ZDHHC15: variants seen among roughly 807,000 people sequenced by gnomAD.
ZDHHC15 encodes the protein palmitoyltransferase ZDHHC15.
A neutral mutation model predicts 31.7 loss-of-function variants in ZDHHC15; 19 were observed. The observed-to-expected ratio is 0.60, with a 90% confidence interval of 0.42 to 0.88. ZDHHC15 has a LOEUF of 0.88. Ranked by LOEUF, ZDHHC15 falls within the 40% of genes least tolerant of loss-of-function variation. The pLI is 0.00. For synonymous variants in ZDHHC15, 103 were observed against 90.0 expected, an observed-to-expected ratio of 1.14 and a Z score of -0.82; for missense variants, 209 against 251.2, an observed-to-expected ratio of 0.83 and a Z score of 1.14.
intron 10 of ZDHHC15, among the ~76,000 whole-genome samples, chrX:75,411,537 G>T (rs1444404713): frequency 8.9e-6 from 1 of 112,521 alleles, no homozygotes; most frequent in Non-Finnish European, 1.9e-5. Flanking sequence ...AGCTAGAAGA[G>T]AATAATTTGA....
intron 1 of ZDHHC15, among the ~76,000 whole-genome samples, chrX:75,513,521 C>T (rs1349885003): frequency 1.8e-5 from 2 of 111,135 alleles, no homozygotes; most frequent in African/African-American, 6.5e-5. Context: ...AAGTGGCTGC[C>T]TACCATCCTC....
intron 2 of ZDHHC15, among the ~76,000 whole-genome samples, chrX:75,487,339 T>C (rs1373341143): frequency 8.9e-6 from 1 of 112,412 alleles, no homozygotes; most frequent in Admixed American, 9.4e-5. Context: ...GACCTGAAGA[T>C]GGATCATATC....
At chrX:75,447,340 C>T (rs749254670) in intron 4 of ZDHHC15, among the ~76,000 whole-genome samples, 6 of 112,432 alleles carry the variant, frequency 5.3e-5, no homozygotes, top group Non-Finnish European at 1.1e-4. Flanking sequence ...GCCAAAAGTG[C>T]CATCGATGGA....
At chrX:75,440,531 G>A (rs1053031255) in intron 4 of ZDHHC15, among the ~76,000 whole-genome samples, 10 of 112,432 alleles carry the variant, frequency 8.9e-5, no homozygotes, top group African/African-American at 2.6e-4. Flanking sequence ...TGCCTGCCCC[G>A]GCCTCCCGAA....
At chrX:75,456,855 T>C (rs2084231915) in intron 3 of ZDHHC15, among the ~76,000 whole-genome samples, 1 of 111,372 alleles carries the variant, frequency 9.0e-6, no homozygotes, top group Admixed American at 9.6e-5. Flanking sequence ...ACTGTAAATT[T>C]AGACAGATCC....
chrX:75,422,962 C>G (rs1313834312), intron 8 of ZDHHC15, among the ~76,000 whole-genome samples: 3 of 70,800 alleles, frequency 4.2e-5, no homozygotes, highest in African/African-American at 1.1e-4. Flanking sequence ...CCCCTCCCCC[C>G]ACCCCACAAC....
chrX:75,426,264 C>A (rs1163161496), intron 7 of ZDHHC15, among the ~76,000 whole-genome samples: 5 of 111,191 alleles, frequency 4.5e-5, no homozygotes, highest in African/African-American at 1.6e-4. Context: ...CTTATTGTTT[C>A]ACATATAAAT....
intron 10 of ZDHHC15, among the ~76,000 whole-genome samples, chrX:75,380,779 C>T (rs1415032631): frequency 9.0e-6 from 1 of 111,727 alleles, no homozygotes; most frequent in Non-Finnish European, 1.9e-5. Context: ...CCTGCCCTTG[C>T]TGCCTATGTA....
chrX:75,505,909 G>T, intron 1 of ZDHHC15, 62 bp from the exon 2 acceptor site: 1 of 1,011,174 alleles, frequency 9.9e-7, no homozygotes, highest in Non-Finnish European at 1.4e-6. Flanking sequence ...GAGAGAGAGA[G>T]AGAGAAATTA....
Position 75,478,892 on chromosome X carries a change from T to G in ZDHHC15, c.257A>C (p.Lys86Thr), listed in dbSNP as rs1269751693. 8.4e-7 allele frequency: 1 copy of G among 1,190,356 alleles called. No individual in the cohort carries two copies. Among genetic ancestry groups the G allele is most frequent in the Non-Finnish European group, 1.1e-6 (1 of 881,420 alleles). ...IFTLPQQPNQ[K>T]FHLSYTDKER... Reference sequence around the variant, plus strand: ...TTAAGAAGTAACCAATATTCTTACCTTCTGGTTTGGCTGCTGTGGGAGTGT... The same window carrying G: ...TTAAGAAGTAACCAATATTCTTACCGTCTGGTTTGGCTGCTGTGGGAGTGT... Residue 86 changes from lysine to threonine, a missense_variant and splice_region_variant, in exon 3 of 12, where the codon AAG (lysine) becomes ACG (threonine). By Grantham distance (78) the Lys-to-Thr change is moderately conservative. Transcript: ENST00000373367.
chrX:75,383,750 T>TC (rs2083146122), intron 10 of ZDHHC15, among the ~76,000 whole-genome samples: 1 of 92,337 alleles, frequency 1.1e-5, no homozygotes, highest in African/African-American at 3.9e-5. Flanking sequence ...TTTTTTTTTT[T>TC]TTTTTTGAGA....
chrX:75,521,981 C>A (rs1342726314), intron 1 of ZDHHC15, among the ~76,000 whole-genome samples: 1 of 110,817 alleles, frequency 9.0e-6, no homozygotes, highest in Non-Finnish European at 1.9e-5. Context: ...AAAGAGGTGA[C>A]TCTAGTGGGA....
At chrX:75,503,706 G>C (rs1163104393) in intron 2 of ZDHHC15, among the ~76,000 whole-genome samples, 1 of 111,397 alleles carries the variant, frequency 9.0e-6, no homozygotes, top group Non-Finnish European at 1.9e-5. Context: ...GCATTAGAGA[G>C]TGAAATTTAT....
intron 1 of ZDHHC15, among the ~76,000 whole-genome samples, chrX:75,521,974 GAGGTGACTCTAGTGGGAGA>G (rs1385457439): frequency 9.0e-6 from 1 of 111,174 alleles, no homozygotes; most frequent in African/African-American, 3.3e-5. Flanking sequence ...GAGGGTAAAA[GAGGTGACTCTAGTGGGAGA>G]AGGCACTATC....
At chrX:75,416,357 C>T (rs749073052) in intron 10 of ZDHHC15, among the ~76,000 whole-genome samples, 1 of 112,011 alleles carries the variant, frequency 8.9e-6, no homozygotes, top group Non-Finnish European at 1.9e-5. Context: ...CTCAAAATTG[C>T]TGCCAGCTAC....
chrX:75,375,733 T>C (rs199679671), intron 11 of ZDHHC15, among the ~76,000 whole-genome samples: 1 of 111,959 alleles, frequency 8.9e-6, no homozygotes, highest in East Asian at 2.8e-4. Flanking sequence ...CAGAAAAGGA[T>C]AAGATTTCAT....
rs1556021772 is a variant in ZDHHC15, at chrX:75,463,604, C to CAAA, written c.259-12685_259-12683dup. Among the ~76,000 whole-genome samples, 707 of 110,858 alleles carry CAAA rather than the reference C, an allele frequency of 6.4e-3. 6 individuals carry two copies. Among genetic ancestry groups the CAAA allele is most frequent in the African/African-American group, 0.021 (643 of 30,516 alleles). Reference sequence around the variant, plus strand: ...ACAACAACAACAACAACAACAACAACAAAAAACCCATCAAAAGGTGGGCGA... The same window carrying CAAA: ...ACAACAACAACAACAACAACAACAACAAAAAAAAACCCATCAAAAGGTGGGCGA... On this transcript the variant is annotated intron_variant, in intron 3 of 11. Coordinates refer to ENST00000373367, the MANE Select transcript of ZDHHC15 (RefSeq NM_144969.3).
chrX:75,379,180 G>C lies in ZDHHC15; in HGVS notation c.986C>G (p.Ser329Ter). Reference protein sequence around the residue: ...DDNQDYPEGSSSLAVETET With the variant: ...DDNQDYPEGS ...TGTTTCCGTTTCCACAGCAAGAGAT[G>C]ATGAGCCTTCTGGATAATCTGCAAG... Residue 329 changes from serine to a stop codon, truncating the protein, a stop_gained, in exon 11 of 12, where the codon TCA (serine) becomes TGA (stop). Transcript: ENST00000373367. LOFTEE classifies it high-confidence loss of function. 2 of 1,211,275 alleles carry C rather than the reference G, an allele frequency of 1.7e-6. No homozygotes were observed. Among genetic ancestry groups the C allele is most frequent in the Non-Finnish European group, 1.1e-6 (1 of 895,200 alleles).
At chrX:75,379,285 C>G in intron 10 of ZDHHC15, 87 bp from the exon 11 acceptor site, 1 of 992,038 alleles carries the variant, frequency 1.0e-6, no homozygotes, top group Non-Finnish European at 1.4e-6. Context: ...CCTTCTTGTT[C>G]AATCTCTGCA....
Sources: gnomAD v4.1 joint callset for allele counts (sites outside exome capture counted in the v4.1 genomes callset) on GRCh38, gnomAD v4.1.1 for gene constraint, MANE v1.5 for transcripts, NCBI Gene and HGNC (gene_info 2026-07-23, HGNC 2026-07-21) for gene names.